The following HIRA variants were observed in gnomAD, a reference collection of about 807,000 sequenced individuals.
The protein encoded by HIRA is protein HIRA.
A neutral mutation model predicts 126.6 loss-of-function variants in HIRA; 13 were observed. That is an observed-to-expected ratio of 0.10 (90% CI 0.07 to 0.16). The LOEUF is 0.16. Among genes scored for constraint, HIRA ranks in the 10% least tolerant of loss-of-function variants. HIRA has a pLI of 1.00. For missense variants in HIRA, 834 were observed against 1,314.4 expected, an observed-to-expected ratio of 0.63 and a Z score of 5.65; for synonymous variants, 511 against 520.0, an observed-to-expected ratio of 0.98 and a Z score of 0.24.
chr22:19,353,860 C>G (rs2088783763), intron 22 of HIRA, 136 bp downstream of exon 22: 1 of 1,101,508 alleles, frequency 9.1e-7, no homozygotes, highest in African/African-American at 1.6e-5. Context: ...CCCAGCCTGC[C>G]TGTGCTGACC....
At chr22:19,357,461 G>A (rs2088823679) in intron 18 of HIRA, among the ~76,000 whole-genome samples, 1 of 152,224 alleles carries the variant, frequency 6.6e-6, no homozygotes, top group African/African-American at 2.4e-5. Context: ...AACAAGGCAG[G>A]CTAAGAGAAG....
chr22:19,363,398 G>C (rs1480115360), intron 15 of HIRA, among the ~76,000 whole-genome samples: 1 of 152,200 alleles, frequency 6.6e-6, no homozygotes. Flanking sequence ...CTCGAGCCCA[G>C]AGGCTTGAGA....
chr22:19,353,236 C>A (rs2088776096), intron 23 of HIRA, 120 bp downstream of exon 23: 2 of 1,239,872 alleles, frequency 1.6e-6, no homozygotes, highest in Non-Finnish European at 2.3e-6. Context: ...GCAGCTCAGG[C>A]TGGGAGGTAG....
chr22:19,355,850 A>G lies in HIRA; in HGVS notation c.2471T>C (p.Val824Ala). 2 of 1,612,998 alleles carry G rather than the reference A, an allele frequency of 1.2e-6. No homozygotes were observed. The highest frequency in any genetic ancestry group is 1.7e-6 in the Non-Finnish European group (2 of 1,179,022). Residue 824 changes from valine to alanine, a missense_variant, in exon 21 of 25, where the codon GTA (valine) becomes GCA (alanine). Coordinates refer to ENST00000263208, the MANE Select transcript of HIRA (RefSeq NM_003325.4). The stretch of plus-strand genomic sequence containing the variant: ...ATGCTGCGTCAGCAAGATCTGTGAT[A>G]CCGTCATATCACTTCCTGAGGACAG... ...HSILAGSDMT[V>A]SQILLTQHGI... is the part of the protein sequence containing the mutation.
Position 19,385,697 on chromosome 22 carries a change from T to A in HIRA, c.1153A>T (p.Ile385Phe), listed in dbSNP as rs773322057. 6.2e-7 allele frequency: 1 copy of A among 1,613,976 alleles called. No homozygotes were observed. Among genetic ancestry groups the A allele is most frequent in the African/African-American group, 1.3e-5 (1 of 74,934 alleles). The change falls in exon 12 of 25, where the codon ATC (isoleucine) becomes TTC (phenylalanine). Residue 385 changes from isoleucine to phenylalanine, a missense_variant. Physicochemically the swap from Ile to Phe is conservative, Grantham distance 21. Transcript: ENST00000263208. ...HQSTYGKSLAIMTEAQLSTAV... is the reference protein window; with the variant it reads ...HQSTYGKSLAFMTEAQLSTAV... The stretch of plus-strand genomic sequence containing the variant: ...GTGGAGAGCTGGGCCTCGGTCATGA[T>A]GGCTAGGCTCTTGCCATAGGTGGAC...
chr22:19,351,251 A>C lies in HIRA; in HGVS notation c.2937+107T>G. ...GCTGGGACCTGAGGCTGGGTGCTGG[A>C]GAAGTCTAACGGGACACAATTTCAA... On this transcript the variant is annotated intron_variant, in intron 24 of 24. Transcript: ENST00000263208. The surrounding 1 kb of genome is among the most constrained non-coding windows in gnomAD (Gnocchi z 4.8). 6.8e-7 allele frequency: 1 copy of C among 1,460,626 alleles called. No homozygotes were observed. The highest frequency in any genetic ancestry group is 1.4e-5 in the South Asian group (1 of 69,932). 90.5% of individuals were successfully genotyped at this position (1,460,626 alleles called of 1,614,324 possible). A position where few individuals can be genotyped will look rare whatever the true frequency, so the allele number is the denominator to read the frequency against.
At position 19,331,662 on chromosome 22, in the gene HIRA, G is replaced by A. The variant is rs1218970727; in HGVS notation, c.2938-106C>T. The A allele has an allele frequency of 3.7e-6, 4 of 1,074,404 alleles. No homozygotes were observed. The African/African-American group carries it at 6.3e-5, about 17-fold the overall frequency. 66.6% of individuals were successfully genotyped at this position (1,074,404 alleles called of 1,614,324 possible). A position where few individuals can be genotyped will look rare whatever the true frequency, so the allele number is the denominator to read the frequency against. ...ACCTTGTGTCTGCTCACGGGAGAAG[G>A]AAAGAACAATTCCTCTGCAGGTGAG... On this transcript the variant is annotated intron_variant, in intron 24 of 24. Coordinates refer to ENST00000263208, the MANE Select transcript of HIRA (RefSeq NM_003325.4).
At chr22:19,341,448 CAAAAAAA>C (rs55996019) in intron 24 of HIRA, among the ~76,000 whole-genome samples, 23 of 107,852 alleles carry the variant, frequency 2.1e-4, no homozygotes, top group Non-Finnish European at 2.6e-4. Flanking sequence ...GACCCTGTTT[CAAAAAAA>C]AAAAAAAAAA....
chr22:19,384,433 G>T (rs5746732), intron 12 of HIRA, among the ~76,000 whole-genome samples: 1 of 150,458 alleles, frequency 6.6e-6, no homozygotes, highest in African/African-American at 2.4e-5. Context: ...TATGTCAATT[G>T]TACTTCAACA....
At chr22:19,343,758 CTCTACA>C (rs1377655122) in intron 24 of HIRA, among the ~76,000 whole-genome samples, 3 of 151,648 alleles carry the variant, frequency 2.0e-5, no homozygotes, top group African/African-American at 4.8e-5. Flanking sequence ...AAAACCCCAT[CTCTACA>C]AAAGATACAA....
Position 19,408,647 on chromosome 22 carries a change from T to C in HIRA, c.101-54A>G, listed in dbSNP as rs368906223. On this transcript the variant is annotated intron_variant, in intron 2 of 24. Coordinates refer to ENST00000263208, the MANE Select transcript of HIRA (RefSeq NM_003325.4). The stretch of plus-strand genomic sequence containing the variant: ...TGTGCAAGGAGTAGAAATTTGATAT[T>C]AATATTTAATGTCAAATTAAATTAG... 1.1e-4 allele frequency: 105 copies of C among 966,896 alleles called. No individual in the cohort carries two copies. The African/African-American group carries it at 1.2e-3, about 11-fold the overall frequency. 59.9% of individuals were successfully genotyped at this position (966,896 alleles called of 1,614,324 possible). A position where few individuals can be genotyped will look rare whatever the true frequency, so the allele number is the denominator to read the frequency against.
intron 1 of HIRA, among the ~76,000 whole-genome samples, chr22:19,413,971 T>C (rs2089375006): frequency 6.6e-6 from 1 of 152,118 alleles, no homozygotes; most frequent in African/African-American, 2.4e-5. Flanking sequence ...AGGGACCTTC[T>C]GGCTGAGCTA....
intron 12 of HIRA, among the ~76,000 whole-genome samples, chr22:19,384,843 C>G (rs866830310): frequency 1.7e-4 from 26 of 150,500 alleles, no homozygotes; most frequent in African/African-American, 5.9e-4. Context: ...TAAGTAGAGA[C>G]AAGGTTTCAC....
chr22:19,386,600 G>A (rs1427982318), intron 11 of HIRA, among the ~76,000 whole-genome samples: 3 of 152,228 alleles, frequency 2.0e-5, no homozygotes, highest in Admixed American at 6.5e-5. Context: ...CTTGGCTCCT[G>A]CCCTTCTCTC....
intron 1 of HIRA, among the ~76,000 whole-genome samples, chr22:19,422,814 T>C (rs147967048): frequency 1.3e-5 from 2 of 152,164 alleles, no homozygotes; most frequent in Non-Finnish European, 2.9e-5. Context: ...CAGCTCCCTG[T>C]AGTCTTCCTC....
chr22:19,361,335 C>T lies in HIRA; in HGVS notation c.1987G>A (p.Ala663Thr). Residue 663 changes from alanine to threonine, a missense_variant, in exon 17 of 25, where the codon GCT becomes ACT. Coordinates refer to ENST00000263208, the MANE Select transcript of HIRA (RefSeq NM_003325.4). The stretch of plus-strand genomic sequence containing the variant: ...GCCTCCTTCTCTGCGGTTAGGGCAG[C>T]TGGAGACTGGAAGAGCCAGAAACGT... ...MPVSLSVQSP[A>T]ALTAEKEAMC... is the part of the protein sequence containing the mutation. 1 of 1,614,060 alleles carries T rather than the reference C, an allele frequency of 6.2e-7. No homozygotes were observed.
chr22:19,386,157 T>A (rs1569303085), intron 11 of HIRA, among the ~76,000 whole-genome samples: 2 of 152,202 alleles, frequency 1.3e-5, no homozygotes, highest in African/African-American at 4.8e-5. Flanking sequence ...TCACAGCTCA[T>A]CTGCAGCCAT....
At chr22:19,391,729 C>CTCGG (rs983584706) in intron 9 of HIRA, among the ~76,000 whole-genome samples, 32 of 152,166 alleles carry the variant, frequency 2.1e-4, no homozygotes, top group African/African-American at 7.7e-4. Context: ...ATCCGCCCAC[C>CTCGG]TCGGCCTCCT....
At position 19,385,594 on chromosome 22, in the gene HIRA, G is replaced by A. The variant is rs780294288; in HGVS notation, c.1256C>T (p.Ala419Val). The A allele has an allele frequency of 3.2e-5, 52 of 1,614,158 alleles. No homozygotes were observed. The highest frequency in any genetic ancestry group is 8.3e-5 in the Admixed American group (5 of 60,030). Residue 419 changes from alanine (A) to valine (V), a missense_variant, in exon 12 of 25, where the codon GCG (alanine) becomes GTG (valine). This residue lies in a region of HIRA where 153 missense variants were observed against 270.6 expected (regional missense o/e 0.57). Coordinates refer to ENST00000263208, the MANE Select transcript of HIRA (RefSeq NM_003325.4). ...GGTGGCTGAGCCCATCTCCCTGGTCGCAGCACTCTTCTGGTCCAGCTGCTG... is the reference window on the plus strand; with the variant it reads ...GGTGGCTGAGCCCATCTCCCTGGTCACAGCACTCTTCTGGTCCAGCTGCTG... ...QQQQLDQKSA[A>V]TREMGSATSV...
Sources: gnomAD v4.1 joint callset for allele counts (sites outside exome capture counted in the v4.1 genomes callset) on GRCh38, gnomAD v4.1.1 for gene constraint, gnomAD v4.1.1 regional missense constraint, Gnocchi (gnomAD v3.1) non-coding constraint, MANE v1.5 for transcripts, NCBI Gene and HGNC (gene_info 2026-07-23, HGNC 2026-07-21) for gene names.